Variants in GEMIN4 observed in about 807,000 individuals in gnomAD.
GEMIN4 encodes the protein gem-associated protein 4.
Under a neutral mutation model 76.8 loss-of-function variants are expected in GEMIN4, and 59 were observed. The ratio of observed to expected loss-of-function variants is 0.77; its 90% confidence interval spans 0.62 to 0.95. The LOEUF (loss-of-function observed/expected upper bound fraction) is 0.95, where lower values mean the gene tolerates loss of function less well. Among genes scored for constraint, GEMIN4 ranks in the 40% least tolerant of loss-of-function variants. The pLI is 0.00. For missense variants in GEMIN4, 1,311 were observed against 1,318.9 expected, an observed-to-expected ratio of 0.99 and a Z score of 0.09; for synonymous variants, 562 against 559.7, an observed-to-expected ratio of 1.00 and a Z score of -0.06.
Position 745,383 on chromosome 17 carries a change from A to G in GEMIN4, c.2660T>C (p.Val887Ala). 1 of 1,613,114 alleles carries G rather than the reference A, an allele frequency of 6.2e-7. No homozygotes were observed. The highest frequency in any genetic ancestry group is 8.5e-7 in the Non-Finnish European group (1 of 1,179,858). The change falls in exon 2 of 2, where the codon GTC becomes GCC. Residue 887 changes from valine (V) to alanine (A), a missense_variant. Around this residue, in one of 2 missense-constraint regions of GEMIN4, gnomAD observed 1,208 missense variants for 1,166.9 expected, o/e 1.04. Transcript: ENST00000319004. The surrounding 1 kb of genome is among the most constrained non-coding windows in gnomAD (Gnocchi z 4.6). ...CTGAATATATTCCAGGCTATAAGGG[A>G]CATGGAGGAGCTGCTTCTCCAGCAG... The part of the protein sequence containing the change: ...RRLLEKQLLH[V>A]PYSLEYIQFV...
In GEMIN4 at chr17:747,737, G is replaced by A. The variant is rs768398179; in HGVS notation, c.306C>T (p.Asn102=). The part of the protein sequence containing the change: ...WQEDLFFSVG[N]MIPTINHTIL... ...TGGTGTGGTTGATGGTGGGGATCATGTTGCCCACCGAGAAGAACAGGTCTT... is the reference window on the plus strand; with the variant it reads ...TGGTGTGGTTGATGGTGGGGATCATATTGCCCACCGAGAAGAACAGGTCTT... Residue 102 remains asparagine (N), a synonymous_variant, in exon 2 of 2, where the codon AAC becomes AAT. Transcript: ENST00000319004. 9 of 1,613,482 alleles carry A rather than the reference G, an allele frequency of 5.6e-6. No individual in the cohort carries two copies. Among genetic ancestry groups the A allele is most frequent in the Non-Finnish European group, 7.6e-6 (9 of 1,179,754 alleles).
At position 747,284 on chromosome 17, in the gene GEMIN4, TG is replaced by T; in HGVS notation, c.758del (p.Thr253LysfsTer20). 1 of 1,613,810 alleles carries T rather than the reference TG, an allele frequency of 6.2e-7. No individual in the cohort carries two copies. Reference sequence around the variant, plus strand: ...CAGACACCTCCTGGGGGTCGTCCTCTGTCAGCGCAAACACAGTCAGCATGTC... The same window carrying T: ...CAGACACCTCCTGGGGGTCGTCCTCTTCAGCGCAAACACAGTCAGCATGTC... ...LADMLTVFALTEDDPQEVSAT... is the reference protein window; with the variant it reads ...LADMLTVFALXEDDPQEVSAT... On this transcript the variant is annotated frameshift_variant, in exon 2 of 2. Coordinates refer to ENST00000319004, the MANE Select transcript of GEMIN4 (RefSeq NM_015721.3). LOFTEE classifies it high-confidence loss of function.
In GEMIN4 at chr17:745,216, G is replaced by A. The variant is rs746531280; in HGVS notation, c.2827C>T (p.Leu943Phe). The change falls in exon 2 of 2, where the codon CTC becomes TTC. Residue 943 changes from leucine to phenylalanine, a missense_variant. This residue lies in a region of GEMIN4 where 1,208 missense variants were observed against 1,166.9 expected (regional missense o/e 1.04). Coordinates refer to ENST00000319004, the MANE Select transcript of GEMIN4 (RefSeq NM_015721.3). This position sits in a 1 kb window ranked among gnomAD's most constrained non-coding sequence, Gnocchi z 4.6. ...LEGWNHVVKLLCGSLTRLLDS... is the reference protein window; with the variant it reads ...LEGWNHVVKLFCGSLTRLLDS... ...AGGAGGCGGGTCAGACTGCCACAGA[G>A]GAGTTTGACCACGTGGTTCCAGCCT... is the stretch of plus-strand genomic sequence containing the variant. The A allele has an allele frequency of 1.2e-6, 2 of 1,608,876 alleles. No homozygotes were observed. Among genetic ancestry groups the A allele is most frequent in the South Asian group, 1.1e-5 (1 of 90,332 alleles).
In GEMIN4 at chr17:747,870, G is replaced by A. The variant is rs1567780299; in HGVS notation, c.173C>T (p.Ala58Val). 4.3e-6 allele frequency: 7 copies of A among 1,613,924 alleles called. No individual in the cohort carries two copies. The highest frequency in any genetic ancestry group is 5.9e-6 in the Non-Finnish European group (7 of 1,179,868). ...EALREISSAA[A>V]HSQPFAWKKK... The stretch of plus-strand genomic sequence containing the variant: ...CTTCCAGGCAAAGGGCTGGGAGTGT[G>A]CTGCAGCCGAGGAGATCTCCCTTAA... The change falls in exon 2 of 2, where the codon GCA becomes GTA. Residue 58 changes from alanine (A) to valine (V), a missense_variant. By Grantham distance (64) the Ala-to-Val change is moderately conservative. Transcript: ENST00000319004.
chr17:751,968 C>T (rs1904731626), intron 1 of GEMIN4, 165 bp downstream of exon 1: 2 of 433,928 alleles, frequency 4.6e-6, no homozygotes, highest in Non-Finnish European at 7.6e-6. Context: ...CCCGGACCAC[C>T]CCCCGCCAAG....
Position 752,151 on chromosome 17 carries a change from C to T in GEMIN4, c.-9G>A, listed in dbSNP as rs1243873614. On this transcript the variant is annotated 5_prime_UTR_variant, in exon 1 of 2. Coordinates refer to ENST00000319004, the MANE Select transcript of GEMIN4 (RefSeq NM_015721.3). ...CACCCACCTAGGTCCATGGCGGCGA[C>T]GCCGGCGGCTGCGCGGGGCTAACGC... is the stretch of plus-strand genomic sequence containing the variant. The T allele has an allele frequency of 8.1e-7, 1 of 1,236,866 alleles. No individual in the cohort carries two copies. 76.6% of individuals were successfully genotyped at this position (1,236,866 alleles called of 1,614,324 possible).
At chr17:752,520 T>A (rs1196797824), upstream of GEMIN4, 3 of 443,604 alleles carry the variant, frequency 6.8e-6, no homozygotes, top group Non-Finnish European at 1.0e-5. Context: ...CCGCACACAG[T>A]TCACCCCCAC....
In GEMIN4 at chr17:745,135, C is replaced by T. The variant is rs763954516; in HGVS notation, c.2908G>A (p.Asp970Asn). 5.5e-5 allele frequency: 89 copies of T among 1,608,386 alleles called. No individual in the cohort carries two copies. Among genetic ancestry groups the T allele is most frequent in the Non-Finnish European group, 7.3e-5 (86 of 1,177,730 alleles). ...ACAAACAGGGCTTCCTGGGTCAGGT[C>T]CTGCTCTGGTCCTTGAACCCAAGGG... ...AGPWVQGPEQDLTQEALFVYT... is the reference protein window; with the variant it reads ...AGPWVQGPEQNLTQEALFVYT... Residue 970 changes from aspartate to asparagine, a missense_variant, in exon 2 of 2, where the codon GAC (aspartate) becomes AAC (asparagine). By Grantham distance (23) the Asp-to-Asn change is conservative. Coordinates refer to ENST00000319004, the MANE Select transcript of GEMIN4 (RefSeq NM_015721.3). The surrounding 1 kb of genome is among the most constrained non-coding windows in gnomAD (Gnocchi z 4.6).
intron 1 of GEMIN4, chr17:749,863 C>T (rs966455755): frequency 1.0e-5 from 10 of 991,868 alleles, no homozygotes; most frequent in Admixed American, 6.0e-5. Flanking sequence ...AAACGGTCCA[C>T]CCCACAGCTC....
At position 745,857 on chromosome 17, in the gene GEMIN4, G is replaced by A. The variant is rs1371492643; in HGVS notation, c.2186C>T (p.Ala729Val). 7.4e-6 allele frequency: 12 copies of A among 1,612,654 alleles called. No individual in the cohort carries two copies. Among genetic ancestry groups the A allele is most frequent in the Admixed American group, 6.7e-5 (4 of 59,942 alleles). ...ACACAGGAGCTCCAGGATATGGATC[G>A]CTAGATCCTTCCTATCCAAAGAGAG... ...RCLSLDRKDL[A>V]IHILELLCEI... is the part of the protein sequence containing the mutation. Residue 729 changes from alanine (A) to valine (V), a missense_variant, in exon 2 of 2, where the codon GCG (alanine) becomes GTG (valine). Around this residue, in one of 2 missense-constraint regions of GEMIN4, gnomAD observed 1,208 missense variants for 1,166.9 expected, o/e 1.04. Coordinates refer to ENST00000319004, the MANE Select transcript of GEMIN4 (RefSeq NM_015721.3). This position sits in a 1 kb window ranked among gnomAD's most constrained non-coding sequence, Gnocchi z 4.6.
rs1904315511 is a variant in GEMIN4 at position 747,411 on chromosome 17, G to A, written c.632C>T (p.Pro211Leu). 5 of 1,613,828 alleles carry A rather than the reference G, an allele frequency of 3.1e-6. No homozygotes were observed. The highest frequency in any genetic ancestry group is 4.2e-6 in the Non-Finnish European group (5 of 1,179,866). ...CAGCATGGCCAACAGGGGCATGGTG[G>A]GGCACGCGTCTGGGTCTGACCTAAG... is the stretch of plus-strand genomic sequence containing the variant. ...KRLRSDPDAC[P>L]TMPLLAMLLR... The change falls in exon 2 of 2, where the codon CCC becomes CTC. Residue 211 changes from proline to leucine, a missense_variant. Pro to Leu is a moderately conservative substitution (Grantham distance 98, BLOSUM62 -3). Coordinates refer to ENST00000319004, the MANE Select transcript of GEMIN4 (RefSeq NM_015721.3).
At position 746,708 on chromosome 17, in the gene GEMIN4, CCT is replaced by C. The variant is rs1974433304; in HGVS notation, c.1333_1334del (p.Arg445GlyfsTer23). On this transcript the variant is annotated frameshift_variant, in exon 2 of 2. Transcript: ENST00000319004. LOFTEE classifies it high-confidence loss of function. This position sits in a 1 kb window ranked among gnomAD's most constrained non-coding sequence, Gnocchi z 4.3. ...CCAAGTCTGGCTGTCGGAAGAGGGC[CCT>C]GTTACTCCCCAGGCAGGCTACCCAC... ...DEWVACLGSN[R>X]ALFRQPDLVL... 1.2e-6 allele frequency: 2 copies of C among 1,613,478 alleles called. No individual in the cohort carries two copies. The highest frequency in any genetic ancestry group is 1.7e-5 in the Admixed American group (1 of 59,998).
At chr17:748,239 T>A (rs1904384439) in intron 1 of GEMIN4, 1 of 553,440 alleles carries the variant, frequency 1.8e-6, no homozygotes, top group South Asian at 2.5e-5. Flanking sequence ...CTCTCCAGCC[T>A]GGGAACTGGG....
rs1255663876 is a variant in GEMIN4, at chr17:745,987, C to T, written c.2056G>A (p.Glu686Lys). The T allele has an allele frequency of 6.2e-7, 1 of 1,613,458 alleles. No homozygotes were observed. Among genetic ancestry groups the T allele is most frequent in the South Asian group, 1.1e-5 (1 of 91,072 alleles). Residue 686 changes from glutamate (E) to lysine (K), a missense_variant, in exon 2 of 2, where the codon GAA becomes AAA. Physicochemically the swap from Glu to Lys is moderately conservative, Grantham distance 56. Coordinates refer to ENST00000319004, the MANE Select transcript of GEMIN4 (RefSeq NM_015721.3). This position sits in a 1 kb window ranked among gnomAD's most constrained non-coding sequence, Gnocchi z 4.6. ...GGGGAGCAGGTCTGGAGCCAGTATTCCTCTCGGCACGCGTTTGCCTCTAGA... is the reference window on the plus strand; with the variant it reads ...GGGGAGCAGGTCTGGAGCCAGTATTTCTCTCGGCACGCGTTTGCCTCTAGA... Reference protein sequence around the residue: ...QTLEANACREEYWLQTCSPFP... With the variant: ...QTLEANACREKYWLQTCSPFP...
Position 747,622 on chromosome 17 carries a change from G to C in GEMIN4, c.421C>G (p.Leu141Val). Residue 141 changes from leucine to valine, a missense_variant, in exon 2 of 2, where the codon CTA becomes GTA. This residue lies in a region of GEMIN4 where 1,208 missense variants were observed against 1,166.9 expected (regional missense o/e 1.04). Coordinates refer to ENST00000319004, the MANE Select transcript of GEMIN4 (RefSeq NM_015721.3). The stretch of plus-strand genomic sequence containing the variant: ...GTCACATGTTCCAGAAAGCGCTCTA[G>C]TTCTGCATGGCAGATGGTGGTGGGC... ...ALPTTICHAE[L>V]ERFLEHVTVD... The C allele has an allele frequency of 6.2e-7, 1 of 1,613,988 alleles. No homozygotes were observed. The highest frequency in any genetic ancestry group is 8.5e-7 in the Non-Finnish European group (1 of 1,179,896).
At position 746,055 on chromosome 17, in the gene GEMIN4, T is replaced by G. The variant is rs761587959; in HGVS notation, c.1988A>C (p.Asp663Ala). ...CAGACTGAGGTCTACCTCTTCAACA[T>G]CTAACCTCAAGAAAGGCAGGACAAA... is the stretch of plus-strand genomic sequence containing the variant. Reference protein sequence around the residue: ...KEFVLPFLRLDVEEVDLSLRI... With the variant: ...KEFVLPFLRLAVEEVDLSLRI... The change falls in exon 2 of 2, where the codon GAT becomes GCT. Residue 663 changes from aspartate (D) to alanine (A), a missense_variant. This residue lies in a region of GEMIN4 where 1,208 missense variants were observed against 1,166.9 expected (regional missense o/e 1.04). Transcript: ENST00000319004. The surrounding 1 kb of genome is among the most constrained non-coding windows in gnomAD (Gnocchi z 4.3). 6.2e-7 allele frequency: 1 copy of G among 1,613,890 alleles called. No individual in the cohort carries two copies. Among genetic ancestry groups the G allele is most frequent in the South Asian group, 1.1e-5 (1 of 91,078 alleles).
At chr17:750,324 C>T (rs564729734) in intron 1 of GEMIN4, among the ~76,000 whole-genome samples, 1 of 152,302 alleles carries the variant, frequency 6.6e-6, no homozygotes, top group East Asian at 1.9e-4. Flanking sequence ...CAAGCCCTTG[C>T]TAGTGGGTTG....
At position 744,641 on chromosome 17, in the gene GEMIN4, T is replaced by G. The variant is rs1974317032; in HGVS notation, c.*225A>C. The G allele has an allele frequency of 2.1e-6, 1 of 479,056 alleles. No homozygotes were observed. Among genetic ancestry groups the G allele is most frequent in the African/African-American group, 2.0e-5 (1 of 51,220 alleles). 29.7% of individuals were successfully genotyped at this position (479,056 alleles called of 1,614,324 possible). A position where few individuals can be genotyped will look rare whatever the true frequency, so the allele number is the denominator to read the frequency against. On this transcript the variant is annotated 3_prime_UTR_variant, in exon 2 of 2. Transcript: ENST00000319004. Reference sequence around the variant, plus strand: ...AGTGAGATGCGAAAGAGGAGAATTTTTATGATAGTTTGTACGTTACAAATA... The same window carrying G: ...AGTGAGATGCGAAAGAGGAGAATTTGTATGATAGTTTGTACGTTACAAATA...
chr17:748,971 G>A (rs1315322587), intron 1 of GEMIN4: 4 of 161,656 alleles, frequency 2.5e-5, no homozygotes, highest in Non-Finnish European at 5.0e-5. Flanking sequence ...TGGGCACAGA[G>A]CAATCACACG....
Sources: gnomAD v4.1 joint callset for allele counts (sites outside exome capture counted in the v4.1 genomes callset) on GRCh38, gnomAD v4.1.1 for gene constraint, gnomAD v4.1.1 regional missense constraint, Gnocchi (gnomAD v3.1) non-coding constraint, MANE v1.5 for transcripts, NCBI Gene and HGNC (gene_info 2026-07-23, HGNC 2026-07-21) for gene names.